The following ANKRD11 variants were observed in gnomAD, a reference collection of about 807,000 sequenced individuals.
The protein encoded by ANKRD11 is ankyrin repeat domain-containing protein 11.
ANKRD11 carries 17 observed loss-of-function variants against 195.7 expected under a neutral mutation model. The observed-to-expected ratio is 0.09, with a 90% CI of 0.06 to 0.13. The LOEUF is 0.13. Among genes scored for constraint, ANKRD11 ranks in the 10% least tolerant of loss-of-function variants. The probability of loss-of-function intolerance (pLI) is 1.00; values close to 1 mark genes in which losing one functional copy is unlikely to be tolerated. For missense variants in ANKRD11, 3,735 were observed against 3,566.1 expected (o/e 1.05, Z -1.21); for synonymous variants, 1,953 against 1,528.1 (o/e 1.28, Z -6.49).
chr16:89,471,392 T>A (rs1208012238), intron 1 of ANKRD11, among the ~76,000 whole-genome samples: 1 of 151,978 alleles, frequency 6.6e-6, no homozygotes, highest in Non-Finnish European at 1.5e-5. Flanking sequence ...ACTCATCAAG[T>A]TACCCTGCAG....
chr16:89,441,846 C>T (rs1476458155), intron 1 of ANKRD11, among the ~76,000 whole-genome samples: 1 of 147,722 alleles, frequency 6.8e-6, no homozygotes, highest in Non-Finnish European at 1.5e-5. Context: ...TGAACAGTGT[C>T]CACAAGCAGG....
chr16:89,284,196 T>G lies in ANKRD11; in HGVS notation c.2346A>C (p.Leu782Phe). Residue 782 changes from leucine (L) to phenylalanine (F), a missense_variant, in exon 9 of 13, where the codon TTA becomes TTC. Leu to Phe is a conservative substitution (Grantham distance 22). Transcript: ENST00000301030. ...TCTCTTTTGAAATTTTGTCCTCTTTTAAATCATTCTTCTTCTCTAATTTTG... is the reference window on the plus strand; with the variant it reads ...TCTCTTTTGAAATTTTGTCCTCTTTGAAATCATTCTTCTTCTCTAATTTTG... ...RPSKLEKKND[L>F]KEDKISKEKE... is the part of the protein sequence containing the mutation. 3 of 1,611,344 alleles carry G rather than the reference T, an allele frequency of 1.9e-6. No homozygotes were observed. Among genetic ancestry groups the G allele is most frequent in the African/African-American group, 1.3e-5 (1 of 74,832 alleles).
intron 2 of ANKRD11, among the ~76,000 whole-genome samples, chr16:89,390,720 G>C (rs553797319): frequency 6.6e-5 from 10 of 152,176 alleles, no homozygotes; most frequent in African/African-American, 2.4e-4. Context: ...GCCAGCACCC[G>C]TAAGTCCTGC....
Position 89,441,672 on chromosome 16 carries a change from C to T in ANKRD11, c.-144-23304G>A, listed in dbSNP as rs528708563. On this transcript the variant is annotated intron_variant, in intron 1 of 12. Transcript: ENST00000301030. ...GTCCCAGCTACTCGGGAGGCTGAGG[C>T]AGGAGAATGGCATGAACCCAGGAGG... is the stretch of plus-strand genomic sequence containing the variant. 6.4e-5 allele frequency among the ~76,000 whole-genome samples: 9 copies of T among 140,426 alleles called. No homozygotes were observed. In the East Asian group the frequency reaches 1.1e-3, roughly 17 times the overall value. The allele number at this position is 140,426 out of a possible 152,430, so 92.1% of individuals were successfully genotyped here.
chr16:89,288,579 G>A lies in ANKRD11; in HGVS notation c.693C>T (p.Gly231=). Residue 231 remains glycine (G), a synonymous_variant, in exon 7 of 13, where the codon GGC becomes GGT. Transcript: ENST00000301030. The part of the protein sequence containing the change: ...LAAGAEVNTK[G]LDDDTPLHDA... ...CGTGCAAAGGCGTGTCGTCATCTAGGCCCTTGGTGTTCACCTCCGCACCTG... is the reference window on the plus strand; with the variant it reads ...CGTGCAAAGGCGTGTCGTCATCTAGACCCTTGGTGTTCACCTCCGCACCTG... 6.2e-7 allele frequency: 1 copy of A among 1,614,138 alleles called. No homozygotes were observed. The highest frequency in any genetic ancestry group is 2.2e-5 in the East Asian group (1 of 44,880).
intron 1 of ANKRD11, among the ~76,000 whole-genome samples, chr16:89,481,163 C>T (rs1004998962): frequency 1.3e-5 from 2 of 152,146 alleles, no homozygotes; most frequent in African/African-American, 4.8e-5. Context: ...TCTCTTTTTC[C>T]AAGTCTTTTT....
chr16:89,458,649 T>C (rs1224925504), intron 1 of ANKRD11, among the ~76,000 whole-genome samples: 2 of 152,400 alleles, frequency 1.3e-5, no homozygotes, highest in South Asian at 2.1e-4. Flanking sequence ...ACATGTTCCA[T>C]TAATCATCTC....
intron 4 of ANKRD11, chr16:89,297,675 C>T (rs1405157117): frequency 6.6e-6 from 1 of 152,254 alleles, no homozygotes; most frequent in African/African-American, 2.4e-5. Flanking sequence ...GGCAGCAAGA[C>T]AAGCTCCGAA....
chr16:89,406,225 G>C (rs1004020463), intron 2 of ANKRD11, among the ~76,000 whole-genome samples: 1 of 151,996 alleles, frequency 6.6e-6, no homozygotes, highest in Non-Finnish European at 1.5e-5. Flanking sequence ...TTGGTGCTGT[G>C]AGCAAGGGGC....
chr16:89,319,792 G>C (rs540458760), intron 2 of ANKRD11, among the ~76,000 whole-genome samples: 2 of 152,340 alleles, frequency 1.3e-5, no homozygotes, highest in South Asian at 4.1e-4. Context: ...TGCAGCACGC[G>C]GCCCACTCTA....
rs562064483 is a variant in ANKRD11, at chr16:89,481,920, T to TA, written c.-145+8324dup. ...TTAAAACAGAAACATAGCTTACAGT[T>TA]AAAAAAAAAAAAAATAGCACTTCTT... On this transcript the variant is annotated intron_variant, in intron 1 of 12. Transcript: ENST00000301030. Among the ~76,000 whole-genome samples, 888 of 143,202 alleles carry TA rather than the reference T, an allele frequency of 6.2e-3. 6 individuals are homozygous for TA. The highest frequency in any genetic ancestry group is 0.01 in the African/African-American group (406 of 39,098). The allele number at this position is 143,202 out of a possible 152,430, so 93.9% of individuals were successfully genotyped here.
intron 2 of ANKRD11, among the ~76,000 whole-genome samples, chr16:89,348,233 C>A (rs973193790): frequency 6.6e-6 from 1 of 152,140 alleles, no homozygotes; most frequent in Non-Finnish European, 1.5e-5. Flanking sequence ...TATCTGGCCT[C>A]AAATACCATT....
At chr16:89,481,641 A>G (rs1489151473) in intron 1 of ANKRD11, among the ~76,000 whole-genome samples, 1 of 152,194 alleles carries the variant, frequency 6.6e-6, no homozygotes, top group Non-Finnish European at 1.5e-5. Context: ...CTGACACATC[A>G]TCTTCTGCCT....
chr16:89,321,995 A>G (rs918975697), intron 2 of ANKRD11, among the ~76,000 whole-genome samples: 5 of 152,190 alleles, frequency 3.3e-5, no homozygotes, highest in African/African-American at 7.2e-5. Context: ...TCACGTCTCT[A>G]GTTTGCTCTA....
At chr16:89,390,354 A>G (rs2041133490) in intron 2 of ANKRD11, among the ~76,000 whole-genome samples, 1 of 151,862 alleles carries the variant, frequency 6.6e-6, no homozygotes, top group Admixed American at 6.6e-5. Context: ...GCGAACACCG[A>G]GTGTGGCGGG....
Position 89,285,909 on chromosome 16 carries a change from C to G in ANKRD11, c.892+130G>C. 1.4e-6 allele frequency: 2 copies of G among 1,468,772 alleles called. No homozygotes were observed. Among genetic ancestry groups the G allele is most frequent in the Non-Finnish European group, 1.9e-6 (2 of 1,064,956 alleles). 91.0% of individuals were successfully genotyped at this position (1,468,772 alleles called of 1,614,324 possible). On this transcript the variant is annotated intron_variant, in intron 8 of 12. Transcript: ENST00000301030. This position sits in a 1 kb window ranked among gnomAD's most constrained non-coding sequence, Gnocchi z 5.6. ...ACACCTGGGCGGGGTCTCCCGCAGT[C>G]CAGAAGCTCCTGTAAGCCCCCAGCA...
chr16:89,487,602 C>A (rs1365455937), intron 1 of ANKRD11, among the ~76,000 whole-genome samples: 2 of 151,938 alleles, frequency 1.3e-5, no homozygotes, highest in Non-Finnish European at 2.9e-5. Context: ...GGTGAAACCC[C>A]ATCTCTACTA....
intron 1 of ANKRD11, among the ~76,000 whole-genome samples, chr16:89,489,775 C>A (rs1311941783): frequency 6.9e-6 from 1 of 143,962 alleles, no homozygotes; most frequent in Non-Finnish European, 1.5e-5. Flanking sequence ...CGCTCCGAGC[C>A]CCCGAGGCCC....
chr16:89,385,087 T>C (rs1445612459), intron 2 of ANKRD11, among the ~76,000 whole-genome samples: 1 of 152,000 alleles, frequency 6.6e-6, no homozygotes, highest in Non-Finnish European at 1.5e-5. Flanking sequence ...TATTTCACCA[T>C]GTTGGCCAGG....
Sources: allele counts gnomAD v4.1 joint callset (sites outside exome capture counted in the v4.1 genomes callset), GRCh38; gene constraint gnomAD v4.1.1; non-coding constraint Gnocchi (gnomAD v3.1); transcripts MANE v1.5; gene names NCBI Gene and HGNC (gene_info 2026-07-23, HGNC 2026-07-21).